PRR16: variants seen among roughly 807,000 people sequenced by gnomAD.
PRR16 encodes proline rich 16, also known as protein Largen.
A neutral mutation model predicts 18.2 loss-of-function variants in PRR16; 6 were observed. The ratio of observed to expected loss-of-function variants is 0.33; its 90% confidence interval spans 0.18 to 0.65. The LOEUF is 0.65. Among genes scored for constraint, PRR16 ranks in the 30% least tolerant of loss-of-function variants. The pLI, the probability that PRR16 is intolerant of heterozygous loss-of-function variation, is 0.74. For missense variants in PRR16, 412 were observed against 376.6 expected, an observed-to-expected ratio of 1.09 and a Z score of -0.78; for synonymous variants, 151 against 147.8, an observed-to-expected ratio of 1.02 and a Z score of -0.16.
intron 1 of PRR16, among the ~76,000 whole-genome samples, chr5:120,535,062 G>T (rs955395722): frequency 7.2e-6 from 1 of 138,600 alleles, no homozygotes; most frequent in Non-Finnish European, 1.5e-5. Flanking sequence ...ATGATTATTT[G>T]AACTCACTTT....
intron 1 of PRR16, among the ~76,000 whole-genome samples, chr5:120,552,829 T>G (rs1238304682): frequency 6.6e-6 from 1 of 151,890 alleles, no homozygotes; most frequent in African/African-American, 2.4e-5. Context: ...TACCTGAAGT[T>G]ATTTGGCACA....
intron 1 of PRR16, among the ~76,000 whole-genome samples, chr5:120,490,599 T>A (rs1749995613): frequency 6.6e-6 from 1 of 152,216 alleles, no homozygotes; most frequent in Admixed American, 6.5e-5. Flanking sequence ...GGGTTTGAAC[T>A]TCCTCCTTTA....
At chr5:120,677,021 T>A (rs1045014336) in intron 1 of PRR16, among the ~76,000 whole-genome samples, 7 of 152,206 alleles carry the variant, frequency 4.6e-5, no homozygotes, top group Non-Finnish European at 1.0e-4. Context: ...CTAGCACAAG[T>A]AGAATTCAAT....
intron 1 of PRR16, among the ~76,000 whole-genome samples, chr5:120,614,605 T>C (rs557515860): frequency 6.6e-6 from 1 of 152,346 alleles, no homozygotes; most frequent in East Asian, 1.9e-4. Context: ...TCTGAGACTG[T>C]GTCTAATATA....
intron 1 of PRR16, among the ~76,000 whole-genome samples, chr5:120,593,207 A>T (rs946640942): frequency 6.6e-6 from 1 of 152,164 alleles, no homozygotes; most frequent in Admixed American, 6.6e-5. Flanking sequence ...AACCATACAA[A>T]AGATGAAGAA....
the PRR16 span, among the ~76,000 whole-genome samples, chr5:120,714,368 T>C: frequency 6.6e-6 from 1 of 152,174 alleles, no homozygotes; most frequent in Non-Finnish European, 1.5e-5. Flanking sequence ...TGGTTGCCTG[T>C]GTATGACTCC....
At chr5:120,723,130 T>C in the PRR16 span, among the ~76,000 whole-genome samples, 3 of 151,916 alleles carry the variant, frequency 2.0e-5, no homozygotes, top group African/African-American at 7.2e-5. Context: ...ATCATTGTAG[T>C]TCATTCTATA....
chr5:120,789,976 C>T, the PRR16 span: 1 of 152,072 alleles, frequency 6.6e-6, no homozygotes, highest in African/African-American at 2.4e-5. Flanking sequence ...GGAAGGAATA[C>T]CTTTACTTGG....
intron 1 of PRR16, among the ~76,000 whole-genome samples, chr5:120,665,924 T>A (rs1293294635): frequency 2.6e-5 from 4 of 152,154 alleles, no homozygotes; most frequent in Non-Finnish European, 4.4e-5. Flanking sequence ...TGGCTTAGGA[T>A]TGACTTGGCA....
chr5:120,718,588 A>C, the PRR16 span, among the ~76,000 whole-genome samples: 1 of 152,088 alleles, frequency 6.6e-6, no homozygotes, highest in Non-Finnish European at 1.5e-5. Flanking sequence ...CTAATTGGCC[A>C]ACATTGTGTC....
chr5:120,505,019 T>C (rs1290647280), intron 1 of PRR16, among the ~76,000 whole-genome samples: 1 of 152,288 alleles, frequency 6.6e-6, no homozygotes, highest in Admixed American at 6.5e-5. Flanking sequence ...TATTTGTTCC[T>C]GGACATTTGG....
intron 1 of PRR16, among the ~76,000 whole-genome samples, chr5:120,611,447 A>C (rs901918183): frequency 6.6e-6 from 1 of 152,110 alleles, no homozygotes; most frequent in African/African-American, 2.4e-5. Context: ...AGATGGAAAA[A>C]GTGGTTTTGT....
At chr5:120,695,781 T>C in the PRR16 span, among the ~76,000 whole-genome samples, 1 of 152,164 alleles carries the variant, frequency 6.6e-6, no homozygotes, top group Non-Finnish European at 1.5e-5. Context: ...TAATTACTGT[T>C]CCTCTGACAT....
intron 1 of PRR16, among the ~76,000 whole-genome samples, chr5:120,621,324 T>C (rs1445869704): frequency 6.6e-6 from 1 of 152,126 alleles, no homozygotes; most frequent in East Asian, 1.9e-4. Context: ...TTCCTGCTGC[T>C]TGTCTTGGAG....
Position 120,565,817 on chromosome 5 carries a change from T to C in PRR16, c.159+101172T>C, listed in dbSNP as rs73252029. Among the ~76,000 whole-genome samples, 408 of 152,364 alleles carry C rather than the reference T, an allele frequency of 2.7e-3. 3 individuals carry two copies. Among genetic ancestry groups the C allele is most frequent in the African/African-American group, 9.4e-3 (391 of 41,590 alleles). On this transcript the variant is annotated intron_variant, in intron 1 of 1. Coordinates refer to ENST00000407149, the MANE Select transcript of PRR16 (RefSeq NM_001300783.2). ...CATTCTATTTTATTGTTTTGAGTATTGGACTTACTATAATTGCAATTAACT... is the reference window on the plus strand; with the variant it reads ...CATTCTATTTTATTGTTTTGAGTATCGGACTTACTATAATTGCAATTAACT...
chr5:120,521,663 CTCT>C lies in PRR16; in HGVS notation c.159+57026_159+57028del, dbSNP rs201118226. ...TCTTTGTGGTAATAACATTCAAAAT[CTCT>C]TCTTCTTTTCTTTTTTTTATTATAC... On this transcript the variant is annotated intron_variant, in intron 1 of 1. Coordinates refer to ENST00000407149, the MANE Select transcript of PRR16 (RefSeq NM_001300783.2). Among the ~76,000 whole-genome samples, 6 of 151,984 alleles carry C rather than the reference CTCT, an allele frequency of 3.9e-5. No individual in the cohort carries two copies. In the East Asian group the frequency reaches 9.7e-4, roughly 25 times the overall value.
At chr5:120,536,561 GTGAA>G (rs1262293136) in intron 1 of PRR16, among the ~76,000 whole-genome samples, 1 of 152,114 alleles carries the variant, frequency 6.6e-6, no homozygotes, top group African/African-American at 2.4e-5. Context: ...CAAAACATAT[GTGAA>G]TGAATGAAGA....
chr5:120,550,199 T>TAA (rs1752209981), intron 1 of PRR16, among the ~76,000 whole-genome samples: 2 of 152,116 alleles, frequency 1.3e-5, no homozygotes, highest in Non-Finnish European at 2.9e-5. Flanking sequence ...GTATTCCTGC[T>TAA]TAATAACCAC....
the PRR16 span, among the ~76,000 whole-genome samples, chr5:120,779,456 A>C: frequency 6.6e-6 from 1 of 152,122 alleles, no homozygotes; most frequent in Non-Finnish European, 1.5e-5. Flanking sequence ...TCCTCTGAAC[A>C]CCATTAGTTA....
Sources: gnomAD v4.1 joint callset for allele counts (sites outside exome capture counted in the v4.1 genomes callset) on GRCh38, gnomAD v4.1.1 for gene constraint, MANE v1.5 for transcripts, NCBI Gene and HGNC (gene_info 2026-07-23, HGNC 2026-07-21) for gene names.